SYTL2: variants seen among roughly 807,000 people sequenced by gnomAD.
SYTL2 encodes synaptotagmin-like protein 2.
Under a neutral mutation model 198.7 loss-of-function variants are expected in SYTL2, and 165 were observed. The observed-to-expected ratio is 0.83, with a 90% CI of 0.73 to 0.94. The LOEUF (loss-of-function observed/expected upper bound fraction) is 0.94. Ranked by LOEUF, SYTL2 falls within the 40% of genes least tolerant of loss-of-function variation. SYTL2 has a pLI of 0.00. For missense variants in SYTL2, 2,835 were observed against 2,582.8 expected, an observed-to-expected ratio of 1.10 and a Z score of -2.12; for synonymous variants, 966 against 917.7, an observed-to-expected ratio of 1.05 and a Z score of -0.95.
chr11:85,826,192 T>C, the SYTL2 span, among the ~76,000 whole-genome samples: 1 of 152,200 alleles, frequency 6.6e-6, no homozygotes, highest in Non-Finnish European at 1.5e-5. Context: ...CCCCAGGTGA[T>C]TCTTTTGACA....
chr11:85,783,981 C>T (rs2092600702), intron 1 of SYTL2, among the ~76,000 whole-genome samples: 1 of 152,170 alleles, frequency 6.6e-6, no homozygotes. Context: ...GACTGGACTT[C>T]CCCAGGCAGC....
chr11:85,713,359 T>C (rs1424082026), intron 12 of SYTL2, among the ~76,000 whole-genome samples: 1 of 152,240 alleles, frequency 6.6e-6, no homozygotes, highest in Non-Finnish European at 1.5e-5. Context: ...GTACTCATTA[T>C]ATGCCAAGCA....
chr11:85,714,318 A>T, intron 12 of SYTL2, 95 bp downstream of exon 12: 1 of 998,282 alleles, frequency 1.0e-6, no homozygotes. Context: ...GACCTCTTTG[A>T]TCTCTGCCAC....
At chr11:85,732,625 G>C (rs1354129455) in intron 7 of SYTL2, among the ~76,000 whole-genome samples, 1 of 152,126 alleles carries the variant, frequency 6.6e-6, no homozygotes, top group African/African-American at 2.4e-5. Flanking sequence ...GACTGCATTA[G>C]GAGAAATACC....
chr11:85,787,695 C>CCTTTTTTTT (rs1566023900), intron 1 of SYTL2, among the ~76,000 whole-genome samples: 5 of 102,688 alleles, frequency 4.9e-5, no homozygotes, highest in Admixed American at 1.1e-4. Flanking sequence ...GTTTTTTTTT[C>CCTTTTTTTT]TTTTCCTTTT....
In SYTL2 at chr11:85,727,694, G is replaced by C; in HGVS notation, c.1664C>G (p.Ser555Ter). ...TGTCACCAAGTCAACAGCAACCTGTGATTTTGAGTCTGTTTTTTCTTTGGA... is the reference window on the plus strand; with the variant it reads ...TGTCACCAAGTCAACAGCAACCTGTCATTTTGAGTCTGTTTTTTCTTTGGA... ...IESKEKTDSKSQVAVDLVTDD... is the reference protein window; with the variant it reads ...IESKEKTDSK Residue 555 changes from serine to a stop codon, truncating the protein, a stop_gained, in exon 8 of 20, where the codon TCA becomes TGA. Coordinates refer to ENST00000359152, the MANE Select transcript of SYTL2 (RefSeq NM_206927.4). LOFTEE classifies it high-confidence loss of function. 1.3e-6 allele frequency: 2 copies of C among 1,543,686 alleles called. No homozygotes were observed. Among genetic ancestry groups the C allele is most frequent in the East Asian group, 2.4e-5 (1 of 40,910 alleles).
At chr11:85,848,220 C>T in the SYTL2 span, among the ~76,000 whole-genome samples, 1 of 147,358 alleles carries the variant, frequency 6.8e-6, no homozygotes, top group African/African-American at 2.5e-5. Flanking sequence ...AGCCTGGTGA[C>T]AGAGCAAGAC....
chr11:85,782,072 G>C (rs2092569235), intron 1 of SYTL2, among the ~76,000 whole-genome samples: 1 of 152,202 alleles, frequency 6.6e-6, no homozygotes, highest in Non-Finnish European at 1.5e-5. Context: ...CCTAGCAGAG[G>C]TTCTCCATGA....
At chr11:85,798,599 G>A (rs1270766772) in intron 1 of SYTL2, among the ~76,000 whole-genome samples, 1 of 152,206 alleles carries the variant, frequency 6.6e-6, no homozygotes, top group Non-Finnish European at 1.5e-5. Flanking sequence ...TCACAGCTAT[G>A]ACTTATTACA....
intron 4 of SYTL2, among the ~76,000 whole-genome samples, chr11:85,738,038 T>C (rs1021274100): frequency 1.3e-5 from 2 of 152,156 alleles, no homozygotes; most frequent in Non-Finnish European, 2.9e-5. Context: ...TCGTGTCCTG[T>C]TACCACCACC....
intron 1 of SYTL2, among the ~76,000 whole-genome samples, chr11:85,770,980 C>T (rs2092343506): frequency 1.3e-5 from 2 of 152,186 alleles, no homozygotes; most frequent in African/African-American, 2.4e-5. Flanking sequence ...GTAAAATGGG[C>T]ATCATACCTA....
At chr11:85,793,264 A>G (rs1036934348) in intron 1 of SYTL2, among the ~76,000 whole-genome samples, 25 of 151,750 alleles carry the variant, frequency 1.6e-4, no homozygotes, top group Admixed American at 1.2e-3. Context: ...AAGTGTTCCT[A>G]TTTCTCCACA....
chr11:85,843,557 AGT>A, the SYTL2 span, among the ~76,000 whole-genome samples: 2 of 151,884 alleles, frequency 1.3e-5, no homozygotes, highest in Non-Finnish European at 2.9e-5. Context: ...ACTGATGCTG[AGT>A]GTGTGTGTGC....
intron 1 of SYTL2, among the ~76,000 whole-genome samples, chr11:85,766,508 C>T (rs187955359): frequency 1.2e-4 from 19 of 152,308 alleles, no homozygotes; most frequent in African/African-American, 4.1e-4. Flanking sequence ...CATGAAGCTG[C>T]TGCAAAAGCC....
chr11:85,791,576 T>C (rs745960337), intron 1 of SYTL2, among the ~76,000 whole-genome samples: 122 of 152,208 alleles, frequency 8.0e-4, no homozygotes, highest in Middle Eastern at 3.2e-3. Flanking sequence ...ACCAGTTCCT[T>C]ATCATCTAAG....
chr11:85,742,811 A>G (rs1475248455), intron 4 of SYTL2, among the ~76,000 whole-genome samples: 4 of 152,242 alleles, frequency 2.6e-5, no homozygotes, highest in Non-Finnish European at 5.9e-5. Flanking sequence ...TGCCCACCTG[A>G]AAAGTCTGTA....
the SYTL2 span, among the ~76,000 whole-genome samples, chr11:85,843,033 T>C: frequency 2.0e-5 from 3 of 152,210 alleles, no homozygotes; most frequent in Middle Eastern, 3.2e-3. Flanking sequence ...GTCAATAGAC[T>C]GCTGAAACTT....
intron 1 of SYTL2, among the ~76,000 whole-genome samples, chr11:85,790,276 T>C (rs984538717): frequency 6.6e-6 from 1 of 152,168 alleles, no homozygotes; most frequent in Admixed American, 6.5e-5. Context: ...GCTCAACCTG[T>C]ATACAACTGT....
chr11:85,853,067 TC>T, the SYTL2 span: 5 of 242,220 alleles, frequency 2.1e-5, no homozygotes, highest in Non-Finnish European at 3.9e-5. Flanking sequence ...CCCGGCCGCC[TC>T]CCCGTCCGGG....
Sources: allele counts gnomAD v4.1 joint callset (sites outside exome capture counted in the v4.1 genomes callset), GRCh38; gene constraint gnomAD v4.1.1; transcripts MANE v1.5; gene names NCBI Gene and HGNC (gene_info 2026-07-23, HGNC 2026-07-21).